UNC13C: variants seen among roughly 807,000 people sequenced by gnomAD.
UNC13C encodes the protein protein unc-13 homolog C.
UNC13C carries 174 observed loss-of-function variants against 245.4 expected under a neutral mutation model. The ratio of observed to expected loss-of-function variants is 0.71; its 90% CI spans 0.63 to 0.80. UNC13C has a LOEUF of 0.80. UNC13C is among the 30% of genes least tolerant of loss of function. UNC13C has a pLI of 0.00. For missense variants in UNC13C, 2,829 were observed against 2,602.9 expected (o/e 1.09, Z -1.89); for synonymous variants, 992 against 895.1 (o/e 1.11, Z -1.93).
intron 19 of UNC13C, among the ~76,000 whole-genome samples, chr15:54,460,095 T>G (rs1323947951): frequency 6.6e-6 from 1 of 152,214 alleles, no homozygotes; most frequent in Non-Finnish European, 1.5e-5. Context: ...GGTGATCCCT[T>G]GATATGGTGC....
intron 30 of UNC13C, among the ~76,000 whole-genome samples, chr15:54,591,574 A>G (rs562139218): frequency 6.6e-6 from 1 of 152,226 alleles, no homozygotes; most frequent in East Asian, 1.9e-4. Context: ...GTTTATGTAC[A>G]TAAAGTTGTT....
At chr15:54,401,150 C>A (rs1177895805) in intron 18 of UNC13C, among the ~76,000 whole-genome samples, 6 of 152,154 alleles carry the variant, frequency 3.9e-5, no homozygotes, top group Admixed American at 6.5e-5. Flanking sequence ...TTAATTATTT[C>A]TTTTAACCTA....
chr15:54,275,972 A>G (rs185957298), intron 10 of UNC13C, among the ~76,000 whole-genome samples: 287 of 152,254 alleles, frequency 1.9e-3, no homozygotes, highest in South Asian at 4.1e-3. Context: ...GGTATACACA[A>G]TATCTTGGGT....
chr15:54,208,273 C>T (rs1022247102), intron 4 of UNC13C, among the ~76,000 whole-genome samples: 11 of 152,206 alleles, frequency 7.2e-5, no homozygotes, highest in African/African-American at 2.4e-4. Flanking sequence ...GTGATACTAA[C>T]ACCTCCCACA....
intron 17 of UNC13C, among the ~76,000 whole-genome samples, chr15:54,389,901 G>A (rs2039918374): frequency 6.6e-6 from 1 of 151,974 alleles, no homozygotes; most frequent in Non-Finnish European, 1.5e-5. Context: ...GCTAGTTTCT[G>A]CATTTTTAGT....
rs929728528 is a variant in UNC13C, at chr15:54,598,347, G to A, written c.6107-23980G>A. On this transcript the variant is annotated intron_variant, in intron 30 of 32. Coordinates refer to ENST00000260323, the MANE Select transcript of UNC13C (RefSeq NM_001080534.3). ...TGACCTCAGGCAATCTGCCCACCTC[G>A]GCCTCCCAAAGTGCTGGGATTACCG... Among the ~76,000 whole-genome samples, 9 of 152,162 alleles carry A rather than the reference G, an allele frequency of 5.9e-5. 1 individual carries two copies. Among genetic ancestry groups the A allele is most frequent in the Admixed American group, 3.3e-4 (5 of 15,274 alleles).
At chr15:53,900,563 A>G in the UNC13C span, among the ~76,000 whole-genome samples, 2 of 152,214 alleles carry the variant, frequency 1.3e-5, no homozygotes, top group African/African-American at 2.4e-5. Flanking sequence ...GGTGGGGATT[A>G]TGAATCACTG....
At chr15:53,874,821 C>T in the UNC13C span, among the ~76,000 whole-genome samples, 732 of 152,274 alleles carry the variant, frequency 4.8e-3, 5 homozygotes, top group Middle Eastern at 0.014. Flanking sequence ...CTTGGCTAGG[C>T]GCGGTGGCTC....
chr15:54,200,708 A>G (rs1421679126), intron 4 of UNC13C, among the ~76,000 whole-genome samples: 1 of 152,046 alleles, frequency 6.6e-6, no homozygotes, highest in Non-Finnish European at 1.5e-5. Context: ...TTAAATGCCA[A>G]CATCAAGAGT....
rs957775913 is a variant in UNC13C at position 54,192,761 on chromosome 15, T to C, written c.3072-42269T>C. On this transcript the variant is annotated intron_variant, in intron 4 of 32. Coordinates refer to ENST00000260323, the MANE Select transcript of UNC13C (RefSeq NM_001080534.3). ...GCTGTAGCACTACTCGGCTTCCCAC[T>C]GGGCCTTCAGTCTTCAATGTATTTG... 5.9e-5 allele frequency among the ~76,000 whole-genome samples: 9 copies of C among 152,150 alleles called. No homozygotes were observed. In the East Asian group the frequency reaches 1.7e-3, roughly 29 times the overall value.
intron 19 of UNC13C, among the ~76,000 whole-genome samples, chr15:54,449,723 T>C (rs1891061119): frequency 6.6e-6 from 1 of 152,200 alleles, no homozygotes; most frequent in South Asian, 2.1e-4. Context: ...GGTTCAAACT[T>C]CCTCCTTTAG....
intron 2 of UNC13C, among the ~76,000 whole-genome samples, chr15:54,069,169 A>G (rs923396600): frequency 5.3e-5 from 8 of 152,168 alleles, no homozygotes; most frequent in African/African-American, 1.9e-4. Context: ...GGCAATGACA[A>G]AGGTTATCAC....
At chr15:53,926,886 C>T in the UNC13C span, among the ~76,000 whole-genome samples, 1 of 152,178 alleles carries the variant, frequency 6.6e-6, no homozygotes, top group African/African-American at 2.4e-5. Context: ...GCCTATAGCT[C>T]TGCCCTTATG....
the UNC13C span, among the ~76,000 whole-genome samples, chr15:53,873,002 C>T: frequency 3.3e-5 from 5 of 152,140 alleles, no homozygotes; most frequent in African/African-American, 1.2e-4. Context: ...TTTTTCTTGT[C>T]CTTCCACAGG....
At chr15:54,357,301 A>G (rs1463389694) in intron 17 of UNC13C, among the ~76,000 whole-genome samples, 2 of 152,076 alleles carry the variant, frequency 1.3e-5, no homozygotes, top group Non-Finnish European at 2.9e-5. Flanking sequence ...TATGAAGTAT[A>G]GAGCAGAATC....
intron 24 of UNC13C, among the ~76,000 whole-genome samples, chr15:54,522,316 C>CA (rs35594697): frequency 0.2 from 21,991 of 108,618 alleles, 1,697 homozygotes; most frequent in Middle Eastern, 0.29. Flanking sequence ...ACTAAAAATA[C>CA]AAAAAAAAAA....
At chr15:54,501,615 A>G (rs750569116) in intron 22 of UNC13C, among the ~76,000 whole-genome samples, 2 of 152,168 alleles carry the variant, frequency 1.3e-5, no homozygotes, top group East Asian at 1.9e-4. Context: ...GAAAAAATCC[A>G]TATAATATGC....
At chr15:54,100,924 T>C (rs1033319029) in intron 2 of UNC13C, among the ~76,000 whole-genome samples, 4 of 152,074 alleles carry the variant, frequency 2.6e-5, no homozygotes, top group Non-Finnish European at 5.9e-5. Flanking sequence ...ATACATTGAC[T>C]GAGGTATAAT....
chr15:54,452,394 C>A (rs185944740), intron 19 of UNC13C, among the ~76,000 whole-genome samples: 3 of 152,126 alleles, frequency 2.0e-5, no homozygotes, highest in Non-Finnish European at 4.4e-5. Flanking sequence ...TGGTGTTGAA[C>A]ATGGCTGAGA....
Sources: allele counts gnomAD v4.1 joint callset (sites outside exome capture counted in the v4.1 genomes callset), GRCh38; gene constraint gnomAD v4.1.1; transcripts MANE v1.5; gene names NCBI Gene and HGNC (gene_info 2026-07-23, HGNC 2026-07-21).